CRTC1: variants seen among roughly 807,000 people sequenced by gnomAD.
CRTC1 encodes CREB-regulated transcription coactivator 1.
A neutral mutation model predicts 66.1 loss-of-function variants in CRTC1; 18 were observed. The ratio of observed to expected loss-of-function variants is 0.27; its 90% CI spans 0.19 to 0.40. The LOEUF (loss-of-function observed/expected upper bound fraction) is 0.40, where lower values mean the gene tolerates loss of function less well. Among genes scored for constraint, CRTC1 ranks in the 10% least tolerant of loss-of-function variants. The pLI, the probability that CRTC1 is intolerant of heterozygous loss-of-function variation, is 1.00. For synonymous variants in CRTC1, 416 were observed against 398.8 expected (o/e 1.04, Z -0.51); for missense variants, 669 against 887.9 (o/e 0.75, Z 3.13).
At chr19:18,773,722 C>A (rs1219650328) in intron 11 of CRTC1, among the ~76,000 whole-genome samples, 2 of 152,178 alleles carry the variant, frequency 1.3e-5, no homozygotes, top group African/African-American at 4.8e-5. Flanking sequence ...CCTTCCCTTC[C>A]TTGGGTCACC....
chr19:18,737,571 C>G (rs1018202193), intron 1 of CRTC1, among the ~76,000 whole-genome samples: 33 of 152,012 alleles, frequency 2.2e-4, no homozygotes, highest in African/African-American at 8.0e-4. Context: ...GAATCATGTC[C>G]CACAAAAAGA....
At chr19:18,697,164 A>G (rs1836965482) in intron 1 of CRTC1, among the ~76,000 whole-genome samples, 2 of 151,968 alleles carry the variant, frequency 1.3e-5, no homozygotes, top group African/African-American at 4.8e-5. Flanking sequence ...CCGAGAGCCA[A>G]TGTTTATTAT....
intron 1 of CRTC1, among the ~76,000 whole-genome samples, chr19:18,691,888 A>G (rs998536043): frequency 1.3e-5 from 2 of 151,512 alleles, no homozygotes; most frequent in East Asian, 1.9e-4. Flanking sequence ...TAATTTTTGT[A>G]TTTTCAGTAG....
intron 2 of CRTC1, among the ~76,000 whole-genome samples, chr19:18,743,890 C>A (rs1316948468): frequency 2.0e-5 from 3 of 152,202 alleles, no homozygotes; most frequent in Non-Finnish European, 4.4e-5. Context: ...CCCTCCTGCC[C>A]TTCTCTCCCT....
chr19:18,750,605 C>G (rs1252929202), intron 5 of CRTC1, among the ~76,000 whole-genome samples: 1 of 152,238 alleles, frequency 6.6e-6, no homozygotes, highest in Non-Finnish European at 1.5e-5. Context: ...GCCCAAGGCA[C>G]TGAAGCCAGG....
chr19:18,740,774 C>T lies in CRTC1; in HGVS notation c.127-2136C>T, dbSNP rs374141311. On this transcript the variant is annotated intron_variant, in intron 1 of 13. Transcript: ENST00000321949. ...ATCCCAACACTTTGGGAGGCCGAGG[C>T]GGGTGGATCACTTGAGGTCAGGAGT... Among the ~76,000 whole-genome samples the T allele has an allele frequency of 9.2e-5, 14 of 152,098 alleles. No individual in the cohort carries two copies. The East Asian group carries it at 1.5e-3, about 17-fold the overall frequency.
chr19:18,721,490 G>A (rs1459371008), intron 1 of CRTC1, among the ~76,000 whole-genome samples: 1 of 128,304 alleles, frequency 7.8e-6, no homozygotes, highest in South Asian at 2.5e-4. Context: ...ACCACACCCG[G>A]CCTTTTTTTT....
At chr19:18,712,628 C>A (rs2053417765) in intron 1 of CRTC1, among the ~76,000 whole-genome samples, 1 of 152,166 alleles carries the variant, frequency 6.6e-6, no homozygotes, top group South Asian at 2.1e-4. Flanking sequence ...ACAGTGAACA[C>A]CTCTGCCTGG....
chr19:18,761,931 G>T (rs1473695300), intron 8 of CRTC1, among the ~76,000 whole-genome samples: 1 of 152,184 alleles, frequency 6.6e-6, no homozygotes, highest in Non-Finnish European at 1.5e-5. Flanking sequence ...GGGCCCGCGG[G>T]GCTCTGCCAC....
chr19:18,763,689 C>T (rs934862681), intron 8 of CRTC1, among the ~76,000 whole-genome samples: 1 of 152,240 alleles, frequency 6.6e-6, no homozygotes, highest in African/African-American at 2.4e-5. Context: ...TGGCCATGGC[C>T]GATGTCTTGC....
intron 1 of CRTC1, among the ~76,000 whole-genome samples, chr19:18,706,466 C>T (rs552705036): frequency 1.1e-4 from 16 of 152,042 alleles, no homozygotes; most frequent in African/African-American, 3.9e-4. Flanking sequence ...CTTGGCCTCC[C>T]GAAGTGTTGG....
intron 1 of CRTC1, among the ~76,000 whole-genome samples, chr19:18,734,360 C>T (rs2053952363): frequency 6.6e-6 from 1 of 151,772 alleles, no homozygotes; most frequent in African/African-American, 2.4e-5. Flanking sequence ...GTATATTTTT[C>T]ATGTAAAAGA....
chr19:18,759,562 G>C lies in CRTC1; in HGVS notation c.636G>C (p.Arg212Ser), dbSNP rs146131627. ...GTCTTCTCTTTCAGACGGGGTCCAG[G>C]CCCAAGTCCTGTGAGGTCCCCGGAA... is the stretch of plus-strand genomic sequence containing the variant. ...QAWDTKKTGS[R>S]PKSCEVPGIN... Residue 212 changes from arginine to serine, a missense_variant, in exon 7 of 14, where the codon AGG becomes AGC. Arg to Ser is a moderately radical substitution (Grantham distance 110). Around this residue, in one of 8 missense-constraint regions of CRTC1, gnomAD observed 214 missense variants for 323.4 expected, o/e 0.66. Transcript: ENST00000321949. The C allele has an allele frequency of 1.2e-4, 199 of 1,613,092 alleles. No individual in the cohort carries two copies. In the South Asian group the frequency reaches 1.3e-3, roughly 10 times the overall value.
At chr19:18,761,806 G>A (rs1274346484) in intron 8 of CRTC1, among the ~76,000 whole-genome samples, 1 of 152,120 alleles carries the variant, frequency 6.6e-6, no homozygotes, top group Non-Finnish European at 1.5e-5. Context: ...TGGCGTGAAT[G>A]TTCCTGGGTT....
At chr19:18,705,221 G>A (rs1033235607) in intron 1 of CRTC1, among the ~76,000 whole-genome samples, 4 of 152,126 alleles carry the variant, frequency 2.6e-5, no homozygotes, top group East Asian at 3.9e-4. Context: ...GCTATTGTGC[G>A]TAGTGCTGCT....
Position 18,777,729 on chromosome 19 carries a change from G to A in CRTC1, c.*347G>A. On this transcript the variant is annotated 3_prime_UTR_variant, in exon 14 of 14. Coordinates refer to ENST00000321949, the MANE Select transcript of CRTC1 (RefSeq NM_015321.3). This position sits in a 1 kb window ranked among gnomAD's most constrained non-coding sequence, Gnocchi z 5.5. The stretch of plus-strand genomic sequence containing the variant: ...GGAAGTGTCAGCTCCCGGCGTGGCG[G>A]GCAGGCTCAGGGGAGGGGCGCGCAT... The A allele has an allele frequency of 2.8e-6, 1 of 362,784 alleles. No homozygotes were observed. The highest frequency in any genetic ancestry group is 5.1e-6 in the Non-Finnish European group (1 of 197,178). 22.5% of individuals were successfully genotyped at this position (362,784 alleles called of 1,614,324 possible).
At chr19:18,691,211 AG>A (rs1345166453) in intron 1 of CRTC1, among the ~76,000 whole-genome samples, 1 of 151,142 alleles carries the variant, frequency 6.6e-6, no homozygotes, top group Non-Finnish European at 1.5e-5. Flanking sequence ...AAAAAGAAAA[AG>A]AAAAAGGAAA....
intron 6 of CRTC1, among the ~76,000 whole-genome samples, chr19:18,754,226 A>C (rs1340567989): frequency 6.6e-6 from 1 of 152,214 alleles, no homozygotes; most frequent in Non-Finnish European, 1.5e-5. Flanking sequence ...TCCTTTCAAA[A>C]GGGTTTGCTC....
intron 1 of CRTC1, among the ~76,000 whole-genome samples, chr19:18,701,997 C>T (rs1231196758): frequency 6.7e-6 from 1 of 148,882 alleles, no homozygotes; most frequent in African/African-American, 2.5e-5. Flanking sequence ...AATCTCGGCT[C>T]ACCGCAACCT....
Sources: allele counts gnomAD v4.1 joint callset (sites outside exome capture counted in the v4.1 genomes callset), GRCh38; gene constraint gnomAD v4.1.1; regional missense constraint gnomAD v4.1.1; non-coding constraint Gnocchi (gnomAD v3.1); transcripts MANE v1.5; gene names NCBI Gene and HGNC (gene_info 2026-07-23, HGNC 2026-07-21).